The following ERI1 variants were observed in gnomAD, a reference collection of about 807,000 sequenced individuals.
ERI1 encodes the protein exoribonuclease 1, also known as 3'-5' exoribonuclease 1.
In ERI1, 39 loss-of-function variants were observed where a neutral mutation model predicts 39.7. The ratio of observed to expected loss-of-function variants is 0.98; its 90% CI spans 0.76 to 1.28. The LOEUF (loss-of-function observed/expected upper bound fraction) is 1.28. Among genes scored for constraint, ERI1 ranks in the 50% most tolerant of loss-of-function variants. The probability of loss-of-function intolerance (pLI) is 0.00; values close to 1 mark genes in which losing one functional copy is unlikely to be tolerated. For missense variants in ERI1, 581 were observed against 416.9 expected, an observed-to-expected ratio of 1.39 and a Z score of -3.43; for synonymous variants, 204 against 149.6, an observed-to-expected ratio of 1.36 and a Z score of -2.65.
intron 3 of ERI1, among the ~76,000 whole-genome samples, chr8:9,087,392 G>A (rs1358682133): frequency 6.7e-6 from 1 of 149,380 alleles, no homozygotes; most frequent in Non-Finnish European, 1.5e-5. Flanking sequence ...GATTACAGGT[G>A]CATGTCACCA....
intron 3 of ERI1, among the ~76,000 whole-genome samples, chr8:9,064,130 T>A (rs1798791428): frequency 6.7e-6 from 1 of 149,620 alleles, no homozygotes; most frequent in South Asian, 2.1e-4. Flanking sequence ...GGCATGGAAA[T>A]AAGGGATTGG....
At chr8:9,090,716 T>G (rs571553415) in intron 3 of ERI1, among the ~76,000 whole-genome samples, 2 of 152,010 alleles carry the variant, frequency 1.3e-5, no homozygotes, top group Non-Finnish European at 2.9e-5. Context: ...AGAAAAGAAA[T>G]AGGTGAAACA....
chr8:9,073,726 C>G (rs1325434731), intron 3 of ERI1, among the ~76,000 whole-genome samples: 1 of 152,062 alleles, frequency 6.6e-6, no homozygotes, highest in African/African-American at 2.4e-5. Flanking sequence ...ATTAGAAAGC[C>G]TCTTATTTCT....
intron 3 of ERI1, among the ~76,000 whole-genome samples, chr8:9,041,605 TAAG>T (rs1338403967): frequency 6.6e-6 from 1 of 152,094 alleles, no homozygotes; most frequent in East Asian, 1.9e-4. Flanking sequence ...AAGAAGAAAT[TAAG>T]AATGAGATTT....
chr8:9,033,985 T>G (rs1322484870), downstream of ERI1, among the ~76,000 whole-genome samples: 1 of 152,264 alleles, frequency 6.6e-6, no homozygotes, highest in African/African-American at 2.4e-5. Context: ...TGTGACCAGC[T>G]GTAAGGTTTT....
intron 3 of ERI1, among the ~76,000 whole-genome samples, chr8:9,068,884 A>G (rs927257439): frequency 6.6e-6 from 1 of 152,164 alleles, no homozygotes. Context: ...TGGTGCAGTC[A>G]TGGCTGACTG....
intron 3 of ERI1, among the ~76,000 whole-genome samples, chr8:9,085,211 C>CTGT (rs1405522540): frequency 2.0e-5 from 3 of 151,962 alleles, no homozygotes; most frequent in Admixed American, 6.6e-5. Context: ...TTGTTTGTTG[C>CTGT]TGTTGTTGTT....
At chr8:9,092,352 C>T (rs996297738) in intron 3 of ERI1, among the ~76,000 whole-genome samples, 15 of 152,088 alleles carry the variant, frequency 9.9e-5, no homozygotes, top group Admixed American at 6.5e-4. Context: ...GTTGGCTTCT[C>T]GTTCTGTTCA....
chr8:9,010,045 G>A (rs141109020), intron 2 of ERI1, among the ~76,000 whole-genome samples: 18 of 152,340 alleles, frequency 1.2e-4, no homozygotes, highest in Non-Finnish European at 2.2e-4. Flanking sequence ...AGAATGAATC[G>A]AAGTGTTGTG....
downstream of ERI1, among the ~76,000 whole-genome samples, chr8:9,034,702 C>CT (rs1303812223): frequency 6.6e-6 from 1 of 152,254 alleles, no homozygotes; most frequent in Middle Eastern, 3.4e-3. Context: ...ACAGTGGCCT[C>CT]TAAGTGTTCA....
At chr8:9,059,270 T>C (rs1798613967) in intron 3 of ERI1, among the ~76,000 whole-genome samples, 1 of 152,164 alleles carries the variant, frequency 6.6e-6, no homozygotes. Context: ...TACATGCAGG[T>C]CACAGGGGAT....
chr8:9,041,886 C>T (rs1798033811), intron 3 of ERI1, among the ~76,000 whole-genome samples: 1 of 152,186 alleles, frequency 6.6e-6, no homozygotes, highest in African/African-American at 2.4e-5. Flanking sequence ...AGGCATGCAC[C>T]ACCACGCCCA....
downstream of ERI1, among the ~76,000 whole-genome samples, chr8:9,034,755 C>T (rs1797786926): frequency 6.6e-6 from 1 of 152,142 alleles, no homozygotes; most frequent in Non-Finnish European, 1.5e-5. Context: ...AAATCAAAAA[C>T]TAGAAATGAT....
intron 3 of ERI1, among the ~76,000 whole-genome samples, chr8:9,056,127 C>T (rs934782827): frequency 1.3e-5 from 2 of 152,152 alleles, no homozygotes; most frequent in African/African-American, 4.8e-5. Context: ...CCTGGAGCTT[C>T]GAGGAGACAT....
downstream of ERI1, among the ~76,000 whole-genome samples, chr8:9,036,405 C>T (rs778441980): frequency 1.5e-4 from 23 of 152,158 alleles, no homozygotes; most frequent in Non-Finnish European, 2.2e-4. Flanking sequence ...GAGGCAAGAT[C>T]CTACACCAGC....
At chr8:9,045,865 GATGGGGTTGC>G (rs1438146807) in intron 3 of ERI1, among the ~76,000 whole-genome samples, 1 of 151,860 alleles carries the variant, frequency 6.6e-6, no homozygotes, top group East Asian at 2.0e-4. Context: ...TTTTAGTAGA[GATGGGGTTGC>G]ACCGTGTTGG....
At chr8:9,065,716 G>GCCGACTC (rs1554527986) in intron 3 of ERI1, among the ~76,000 whole-genome samples, 2 of 138,780 alleles carry the variant, frequency 1.4e-5, no homozygotes, top group Admixed American at 1.5e-4. Context: ...AAAAAAAAAG[G>GCCGACTC]CTGACTCCTG....
At chr8:9,082,731 A>G (rs1298949333) in intron 3 of ERI1, among the ~76,000 whole-genome samples, 21 of 152,212 alleles carry the variant, frequency 1.4e-4, no homozygotes, top group Admixed American at 1.3e-3. Context: ...AAGGTCGGAC[A>G]GAAAGTCCAC....
intron 5 of ERI1, among the ~76,000 whole-genome samples, chr8:9,019,845 A>C (rs1033995378): frequency 6.6e-6 from 1 of 152,206 alleles, no homozygotes; most frequent in Non-Finnish European, 1.5e-5. Flanking sequence ...AAGAAAAACC[A>C]CGTAGGAACC....
Sources: allele counts gnomAD v4.1 joint callset (sites outside exome capture counted in the v4.1 genomes callset), GRCh38; gene constraint gnomAD v4.1.1; transcripts MANE v1.5; gene names NCBI Gene and HGNC (gene_info 2026-07-23, HGNC 2026-07-21).